The following ANKRD27 variants were observed in gnomAD, a reference collection of about 807,000 sequenced individuals.
ANKRD27 encodes the protein ankyrin repeat domain 27.
Under a neutral mutation model 129.7 loss-of-function variants are expected in ANKRD27, and 112 were observed. The observed-to-expected ratio is 0.86, with a 90% CI of 0.74 to 1.01. ANKRD27 has a LOEUF of 1.01. Ranked by LOEUF, ANKRD27 falls within the 50% of genes least tolerant of loss-of-function variation. ANKRD27 has a pLI of 0.00. For missense variants in ANKRD27, 1,258 were observed against 1,300.5 expected, an observed-to-expected ratio of 0.97 and a Z score of 0.50; for synonymous variants, 516 against 511.2, an observed-to-expected ratio of 1.01 and a Z score of -0.13.
At chr19:32,651,837 C>G (rs1366500206) in intron 2 of ANKRD27, among the ~76,000 whole-genome samples, 1 of 152,198 alleles carries the variant, frequency 6.6e-6, no homozygotes, top group Non-Finnish European at 1.5e-5. Flanking sequence ...GAGGCAGGTG[C>G]CCAGTGCATG....
chr19:32,648,085 G>T (rs1174369738), intron 3 of ANKRD27, among the ~76,000 whole-genome samples: 2 of 152,092 alleles, frequency 1.3e-5, no homozygotes, highest in African/African-American at 4.8e-5. Flanking sequence ...GGCTAATATG[G>T]TGAAACCCCG....
chr19:32,670,133 T>A (rs1967839936), intron 1 of ANKRD27, among the ~76,000 whole-genome samples: 1 of 152,044 alleles, frequency 6.6e-6, no homozygotes, highest in South Asian at 2.1e-4. Context: ...GAGTGCCACA[T>A]CAAAACATGC....
intron 1 of ANKRD27, among the ~76,000 whole-genome samples, chr19:32,668,956 A>G (rs1204434978): frequency 6.6e-6 from 1 of 152,114 alleles, no homozygotes; most frequent in Non-Finnish European, 1.5e-5. Flanking sequence ...GGCTGACTCA[A>G]GGATAAATAA....
At chr19:32,674,665 G>C (rs1967946639) in intron 1 of ANKRD27, among the ~76,000 whole-genome samples, 1 of 151,686 alleles carries the variant, frequency 6.6e-6, no homozygotes, top group African/African-American at 2.4e-5. Context: ...GCGCGGCTCG[G>C]ACCCCCACCC....
chr19:32,640,251 C>T lies in ANKRD27; in HGVS notation c.983+56G>A, dbSNP rs200744596. ...GTGCTGGGATTACAGGCGTGAGCCA[C>T]CGTGCCCGGCCAAGCACTGCCATTT... is the stretch of plus-strand genomic sequence containing the variant. On this transcript the variant is annotated intron_variant, in intron 11 of 28. Coordinates refer to ENST00000306065, the MANE Select transcript of ANKRD27 (RefSeq NM_032139.3). 5.2e-5 allele frequency: 77 copies of T among 1,473,932 alleles called. No individual in the cohort carries two copies. In the East Asian group the frequency reaches 1.7e-3, roughly 33 times the overall value. The allele number at this position is 1,473,932 out of a possible 1,614,324, so 91.3% of individuals were successfully genotyped here.
chr19:32,646,016 C>A (rs1967296574), intron 4 of ANKRD27, among the ~76,000 whole-genome samples: 1 of 152,052 alleles, frequency 6.6e-6, no homozygotes, highest in South Asian at 2.1e-4. Flanking sequence ...ACTGCAACCT[C>A]CACTTTCTGG....
At chr19:32,674,588 G>A (rs946477339) in intron 1 of ANKRD27, among the ~76,000 whole-genome samples, 1 of 152,084 alleles carries the variant, frequency 6.6e-6, no homozygotes, top group South Asian at 2.1e-4. Context: ...CGCCCTGCGA[G>A]AGGCCGGCAG....
intron 26 of ANKRD27, among the ~76,000 whole-genome samples, chr19:32,601,463 G>T (rs1252818650): frequency 2.0e-5 from 3 of 151,812 alleles, no homozygotes; most frequent in African/African-American, 7.3e-5. Flanking sequence ...GCTGGGCGTG[G>T]TGGCTGGCAC....
chr19:32,610,077 C>T (rs1484713463), intron 22 of ANKRD27, among the ~76,000 whole-genome samples: 6 of 151,932 alleles, frequency 3.9e-5, no homozygotes, highest in Admixed American at 6.6e-5. Flanking sequence ...TTCGGGAGGC[C>T]GAGGCAGGTG....
chr19:32,654,264 A>G (rs1473279086), intron 2 of ANKRD27, among the ~76,000 whole-genome samples: 8 of 152,190 alleles, frequency 5.3e-5, no homozygotes, highest in Admixed American at 5.2e-4. Context: ...TCTCCAGGGC[A>G]GACTCAAGGG....
intron 24 of ANKRD27, among the ~76,000 whole-genome samples, chr19:32,604,642 C>T (rs1358542198): frequency 6.6e-6 from 1 of 150,828 alleles, no homozygotes; most frequent in Non-Finnish European, 1.5e-5. Context: ...ACAGAAGCCA[C>T]TTAAATGTAC....
chr19:32,619,345 G>T lies in ANKRD27; in HGVS notation c.1922C>A (p.Ser641Tyr). ...PVQSPQRSVDSISQESSTSSF... is the reference protein window; with the variant it reads ...PVQSPQRSVDYISQESSTSSF... ...GGAAGTGGAGGACTCTTGGCTGATGGAGTCCACGGAGCGCTGCGGGGACTG... is the reference window on the plus strand; with the variant it reads ...GGAAGTGGAGGACTCTTGGCTGATGTAGTCCACGGAGCGCTGCGGGGACTG... Residue 641 changes from serine (S) to tyrosine (Y), a missense_variant, in exon 20 of 29, where the codon TCC (serine) becomes TAC (tyrosine). By Grantham distance (144) the Ser-to-Tyr change is moderately radical (BLOSUM62 -2). Coordinates refer to ENST00000306065, the MANE Select transcript of ANKRD27 (RefSeq NM_032139.3). The T allele has an allele frequency of 1.2e-6, 2 of 1,613,824 alleles. No homozygotes were observed.
rs988279930 is a variant in ANKRD27, at chr19:32,640,185, G to C, written c.983+122C>G. On this transcript the variant is annotated intron_variant, in intron 11 of 28. Transcript: ENST00000306065. ...TCACCGTGTTAGCCAGGATGGTCTC[G>C]ATCTCCTGACCTCGTGATCCGCCCG... 1.9e-5 allele frequency: 12 copies of C among 640,652 alleles called. 1 individual carries two copies. The highest frequency in any genetic ancestry group is 1.1e-4 in the Admixed American group (5 of 43,630). 39.7% of individuals were successfully genotyped at this position (640,652 alleles called of 1,614,324 possible). A position where few individuals can be genotyped will look rare whatever the true frequency, so the allele number is the denominator to read the frequency against.
chr19:32,662,197 AGCT>A (rs1479943764), intron 1 of ANKRD27, among the ~76,000 whole-genome samples: 1 of 150,942 alleles, frequency 6.6e-6, no homozygotes, highest in East Asian at 2.0e-4. Flanking sequence ...CTGTTATCCC[AGCT>A]GCCTGGGAGG....
chr19:32,648,704 G>A (rs1417258542), intron 3 of ANKRD27, among the ~76,000 whole-genome samples: 8 of 151,778 alleles, frequency 5.3e-5, no homozygotes, highest in Non-Finnish European at 1.5e-5. Context: ...GGAGGCTGAG[G>A]CAGGAGAATG....
At chr19:32,673,473 G>A (rs1967911948) in intron 1 of ANKRD27, 1 of 985,282 alleles carries the variant, frequency 1.0e-6, no homozygotes, top group African/African-American at 1.7e-5. Flanking sequence ...CTCCCCACCA[G>A]GTGAGCCCTC....
intron 13 of ANKRD27, among the ~76,000 whole-genome samples, chr19:32,630,013 C>T (rs1328355194): frequency 6.6e-6 from 1 of 152,016 alleles, no homozygotes; most frequent in Non-Finnish European, 1.5e-5. Flanking sequence ...AGTGATCCTC[C>T]CACCTTAGCC....
chr19:32,602,929 C>A (rs1275239408), intron 25 of ANKRD27, among the ~76,000 whole-genome samples: 1 of 151,228 alleles, frequency 6.6e-6, no homozygotes, highest in Admixed American at 6.6e-5. Context: ...TTTTAAAAAC[C>A]AAAAAAAATT....
At chr19:32,652,738 G>C (rs989206776) in intron 2 of ANKRD27, among the ~76,000 whole-genome samples, 4 of 151,750 alleles carry the variant, frequency 2.6e-5, no homozygotes, top group African/African-American at 9.7e-5. Flanking sequence ...GACCAGCCTG[G>C]GCGACAGGGC....
Sources: gnomAD v4.1 joint callset for allele counts (sites outside exome capture counted in the v4.1 genomes callset) on GRCh38, gnomAD v4.1.1 for gene constraint, MANE v1.5 for transcripts, NCBI Gene and HGNC (gene_info 2026-07-23, HGNC 2026-07-21) for gene names.